Variants in RREB1 observed in about 807,000 individuals in gnomAD.
The protein encoded by RREB1 is ras responsive element binding protein 1, also known as ras-responsive element-binding protein 1.
A neutral mutation model predicts 117.8 loss-of-function variants in RREB1; 27 were observed. That is an observed-to-expected ratio of 0.23 (90% confidence interval 0.17 to 0.32). RREB1 has a LOEUF of 0.32. RREB1 is among the 10% of genes least tolerant of loss of function. The pLI, the probability that RREB1 is intolerant of heterozygous loss-of-function variation, is 1.00. For missense variants in RREB1, 2,577 were observed against 2,378.2 expected (o/e 1.08, Z -1.74); for synonymous variants, 1,298 against 1,026.7 (o/e 1.26, Z -5.05).
At chr6:7,182,240 G>C in intron 4 of RREB1, 158 bp downstream of exon 4, 1 of 622,856 alleles carries the variant, frequency 1.6e-6, no homozygotes, top group Admixed American at 3.2e-5. Context: ...AATTTTTATG[G>C]CTTATGTTAG....
Position 7,229,146 on chromosome 6 carries a change from G to T in RREB1, c.1047G>T (p.Gln349His). ...VAADQGQEKP[Q>H]ATPLPGDALD... ...CAGACCAGGGTCAAGAAAAGCCGCA[G>T]GCCACGCCCCTGCCTGGTGACGCCC... The change falls in exon 10 of 13, where the codon CAG becomes CAT. Residue 349 changes from glutamine (Q) to histidine (H), a missense_variant. Physicochemically the swap from Gln to His is conservative, Grantham distance 24. Coordinates refer to ENST00000379938, the MANE Select transcript of RREB1 (RefSeq NM_001003699.4). This position sits in a 1 kb window ranked among gnomAD's most constrained non-coding sequence, Gnocchi z 4.5. 1 of 1,610,134 alleles carries T rather than the reference G, an allele frequency of 6.2e-7. No individual in the cohort carries two copies. The highest frequency in any genetic ancestry group is 1.3e-5 in the African/African-American group (1 of 74,962).
chr6:7,248,180 C>G (rs1038549786), intron 12 of RREB1, among the ~76,000 whole-genome samples: 2 of 152,266 alleles, frequency 1.3e-5, no homozygotes, highest in African/African-American at 4.8e-5. Context: ...ACTCCTGTCC[C>G]CCTCTAGATT....
intron 1 of RREB1, among the ~76,000 whole-genome samples, chr6:7,165,235 G>A (rs1763871453): frequency 6.6e-6 from 1 of 152,224 alleles, no homozygotes; most frequent in African/African-American, 2.4e-5. Flanking sequence ...TAGGCGAGCT[G>A]CAGGAAGTCC....
chr6:7,200,665 T>C (rs910142795), intron 6 of RREB1, among the ~76,000 whole-genome samples: 10 of 152,234 alleles, frequency 6.6e-5, no homozygotes, highest in Non-Finnish European at 1.3e-4. Flanking sequence ...ACCAAGTTCA[T>C]GTTCAGTTAT....
At chr6:7,221,576 T>C (rs1767262742) in intron 8 of RREB1, among the ~76,000 whole-genome samples, 1 of 152,208 alleles carries the variant, frequency 6.6e-6, no homozygotes, top group South Asian at 2.1e-4. Flanking sequence ...TTTTATGTCT[T>C]TTGACTTATA....
chr6:7,117,381 G>T (rs1761448407), intron 1 of RREB1, among the ~76,000 whole-genome samples: 1 of 116,868 alleles, frequency 8.6e-6, no homozygotes, highest in Non-Finnish European at 1.7e-5. Context: ...ATGTGAATAG[G>T]TTTCCTGTTT....
chr6:7,128,982 T>C (rs1368975983), intron 1 of RREB1, among the ~76,000 whole-genome samples: 1 of 152,176 alleles, frequency 6.6e-6, no homozygotes, highest in Non-Finnish European at 1.5e-5. Flanking sequence ...AAAAAAGTTA[T>C]GCTTTTGAGC....
intron 10 of RREB1, among the ~76,000 whole-genome samples, chr6:7,237,553 G>A (rs1248848804): frequency 6.6e-6 from 1 of 152,140 alleles, no homozygotes; most frequent in Non-Finnish European, 1.5e-5. Context: ...CGCTCGCGTT[G>A]GGGCTTGCAG....
chr6:7,145,927 G>A (rs1762832259), intron 1 of RREB1, among the ~76,000 whole-genome samples: 2 of 151,800 alleles, frequency 1.3e-5, no homozygotes, highest in Admixed American at 1.3e-4. Flanking sequence ...AGAACATACC[G>A]CAGAACAGGT....
intron 1 of RREB1, among the ~76,000 whole-genome samples, chr6:7,148,621 C>A (rs1025377256): frequency 8.6e-5 from 13 of 151,988 alleles, no homozygotes; most frequent in Non-Finnish European, 1.6e-4. Context: ...GAGTCACCCC[C>A]ACAAAAGGCT....
Position 7,160,979 on chromosome 6 carries a change from C to T in RREB1, c.-284-15676C>T, listed in dbSNP as rs142824624. On this transcript the variant is annotated intron_variant, in intron 1 of 12. Transcript: ENST00000379938. ...GATTACAGGCGTGAGCCACTGCACC[C>T]GGCCCACATCTGGGTAACTTTTTGT... 7.4e-4 allele frequency among the ~76,000 whole-genome samples: 113 copies of T among 152,308 alleles called. 1 individual carries two copies. The highest frequency in any genetic ancestry group is 2.6e-3 in the African/African-American group (110 of 41,570).
At chr6:7,117,710 G>A (rs918972728) in intron 1 of RREB1, among the ~76,000 whole-genome samples, 1 of 151,960 alleles carries the variant, frequency 6.6e-6, no homozygotes, top group South Asian at 2.1e-4. Flanking sequence ...CGCCCCACCA[G>A]ATTTCCTTTT....
rs554433323 is a variant in RREB1 at position 7,124,368 on chromosome 6, T to C, written c.-285+16308T>C. The stretch of plus-strand genomic sequence containing the variant: ...TATTATATTTAGAGATCATGATTTA[T>C]GTCATTGTTATCTTTGCAGGAAGTG... On this transcript the variant is annotated intron_variant, in intron 1 of 12. Coordinates refer to ENST00000379938, the MANE Select transcript of RREB1 (RefSeq NM_001003699.4). Among the ~76,000 whole-genome samples the C allele has an allele frequency of 1.8e-4, 27 of 152,310 alleles. No homozygotes were observed. In the South Asian group the frequency reaches 4.8e-3, roughly 27 times the overall value.
At chr6:7,212,805 C>CT (rs1442748024) in intron 8 of RREB1, 1 of 152,110 alleles carries the variant, frequency 6.6e-6, no homozygotes, top group Non-Finnish European at 1.5e-5. Flanking sequence ...AAGCTGAAGA[C>CT]TTATGTTATA....
chr6:7,153,787 A>G (rs888891553), intron 1 of RREB1, among the ~76,000 whole-genome samples: 2 of 152,230 alleles, frequency 1.3e-5, no homozygotes, highest in Admixed American at 6.5e-5. Flanking sequence ...GGCTCAACCC[A>G]TAAAGTGCCG....
At chr6:7,127,711 ACT>A (rs1581420409) in intron 1 of RREB1, among the ~76,000 whole-genome samples, 2 of 151,998 alleles carry the variant, frequency 1.3e-5, no homozygotes, top group African/African-American at 4.8e-5. Flanking sequence ...TGTCTTGATG[ACT>A]CTGTGGGTGA....
chr6:7,229,821 C>T lies in RREB1; in HGVS notation c.1722C>T (p.Ala574=), dbSNP rs756207482. 28 of 1,610,370 alleles carry T rather than the reference C, an allele frequency of 1.7e-5. No individual in the cohort carries two copies. The Admixed American group carries it at 3.2e-4, about 18-fold the overall frequency. The change falls in exon 10 of 13, where the codon GCC becomes GCT. Residue 574 remains alanine, a synonymous_variant. Coordinates refer to ENST00000379938, the MANE Select transcript of RREB1 (RefSeq NM_001003699.4). This position sits in a 1 kb window ranked among gnomAD's most constrained non-coding sequence, Gnocchi z 4.5. ...QSKSGTQPHA[A]TRLSLQQPRA... is the part of the protein sequence containing the mutation. ...AGTCCGGGACCCAGCCCCACGCGGC[C>T]ACGCGGCTCTCCCTGCAGCAGCCGC... is the stretch of plus-strand genomic sequence containing the variant.
intron 1 of RREB1, among the ~76,000 whole-genome samples, chr6:7,167,273 A>G (rs933585186): frequency 4.0e-5 from 6 of 151,348 alleles, no homozygotes; most frequent in African/African-American, 1.2e-4. Context: ...AGCTGTTCTC[A>G]TTGGCCAGGG....
At chr6:7,184,693 C>T (rs538989297) in intron 4 of RREB1, 2 of 152,220 alleles carry the variant, frequency 1.3e-5, no homozygotes, top group African/African-American at 2.4e-5. Flanking sequence ...TCATGAGTCA[C>T]CCCAGAGTCA....
Sources: gnomAD v4.1 joint callset for allele counts (sites outside exome capture counted in the v4.1 genomes callset) on GRCh38, gnomAD v4.1.1 for gene constraint, Gnocchi (gnomAD v3.1) non-coding constraint, MANE v1.5 for transcripts, NCBI Gene and HGNC (gene_info 2026-07-23, HGNC 2026-07-21) for gene names.